Variants in PHACTR2 observed in about 807,000 individuals in gnomAD.
PHACTR2 encodes phosphatase and actin regulator 2.
A neutral mutation model predicts 76.0 loss-of-function variants in PHACTR2; 30 were observed. That is an observed-to-expected ratio of 0.39 (90% CI 0.30 to 0.54). The LOEUF (loss-of-function observed/expected upper bound fraction) is 0.54. Among genes scored for constraint, PHACTR2 ranks in the 20% least tolerant of loss-of-function variants. PHACTR2 has a pLI of 0.61. For synonymous variants in PHACTR2, 292 were observed against 292.5 expected (o/e 1.00, Z 0.02); for missense variants, 696 against 781.1 (o/e 0.89, Z 1.30).
At chr6:143,587,314 T>C (rs761890028) in intron 1 of PHACTR2, among the ~76,000 whole-genome samples, 3 of 152,212 alleles carry the variant, frequency 2.0e-5, no homozygotes, top group Non-Finnish European at 4.4e-5. Context: ...GGCATAGACA[T>C]AGGAATGCTA....
In PHACTR2 at chr6:143,757,012, G is replaced by C. The variant is rs1043369677; in HGVS notation, c.454+3100G>C. Among the ~76,000 whole-genome samples, 1 of 152,082 alleles carries C rather than the reference G, an allele frequency of 6.6e-6. No individual in the cohort carries two copies. The highest frequency in any genetic ancestry group is 2.4e-5 in the African/African-American group (1 of 41,418). ...TAGTGAGCTGAGTTCAGGCACCATT[G>C]CACTCCAGCCTGGGTGACAGCCAGT... is the stretch of plus-strand genomic sequence containing the variant. On this transcript the variant is annotated intron_variant, in intron 4 of 12. Transcript: ENST00000440869. The surrounding 1 kb of genome is among the most constrained non-coding windows in gnomAD (Gnocchi z 4.2).
chr6:143,615,678 C>T lies in PHACTR2; in HGVS notation c.13+7356C>T, dbSNP rs986589171. Among the ~76,000 whole-genome samples the T allele has an allele frequency of 8.5e-5, 13 of 152,160 alleles. No individual in the cohort carries two copies. The South Asian group carries it at 1.0e-3, about 12-fold the overall frequency. ...GATGTGATAATATTAGAGTCATTAA[C>T]AAAAATTATGGAAAGAGCCTTTCCC... On this transcript the variant is annotated intron_variant, in intron 1 of 11. Transcript: ENST00000305766.
At position 143,697,343 on chromosome 6, in the gene PHACTR2, A is replaced by G. The variant is rs1419236787; in HGVS notation, c.47-14673A>G. Among the ~76,000 whole-genome samples, 2 of 152,258 alleles carry G rather than the reference A, an allele frequency of 1.3e-5. No individual in the cohort carries two copies. Among genetic ancestry groups the G allele is most frequent in the East Asian group, 3.8e-4 (2 of 5,206 alleles). ...CCCAATTAGGAGAAAGAAGGTTAAG[A>G]CTGAAGAAAAATCTGAGATGAGAAA... On this transcript the variant is annotated intron_variant, in intron 1 of 12. Transcript: ENST00000440869. The surrounding 1 kb of genome is among the most constrained non-coding windows in gnomAD (Gnocchi z 4.4).
rs1776882890 is a variant in PHACTR2 at position 143,658,140 on chromosome 6, C to G, written c.13+49818C>G. ...TTTTTATGGATATATGTTTTTATTT[C>G]TGCTGAATAAATGACAAGTAGAATT... is the stretch of plus-strand genomic sequence containing the variant. On this transcript the variant is annotated intron_variant, in intron 1 of 11. Transcript: ENST00000305766. This position sits in a 1 kb window ranked among gnomAD's most constrained non-coding sequence, Gnocchi z 4.1. 1.3e-5 allele frequency among the ~76,000 whole-genome samples: 2 copies of G among 152,090 alleles called. No individual in the cohort carries two copies. Among genetic ancestry groups the G allele is most frequent in the African/African-American group, 4.8e-5 (2 of 41,420 alleles).
intron 2 of PHACTR2, among the ~76,000 whole-genome samples, chr6:143,735,802 G>A (rs1048702745): frequency 6.6e-6 from 1 of 152,032 alleles, no homozygotes; most frequent in African/African-American, 2.4e-5. Context: ...ACCCCATGAG[G>A]CTTGAAAATG....
intron 1 of PHACTR2, among the ~76,000 whole-genome samples, chr6:143,705,135 T>C (rs376226587): frequency 6.6e-6 from 1 of 150,380 alleles, no homozygotes; most frequent in South Asian, 2.1e-4. Flanking sequence ...TTGTTTTATT[T>C]TTGAGACAAG....
intron 2 of PHACTR2, among the ~76,000 whole-genome samples, chr6:143,732,113 A>T (rs1778711083): frequency 6.6e-6 from 1 of 152,234 alleles, no homozygotes; most frequent in Non-Finnish European, 1.5e-5. Flanking sequence ...CTCCCCCAGA[A>T]TTCTTTAAAT....
Position 143,742,105 on chromosome 6 carries a change from CA to C in PHACTR2, c.215-6868del, listed in dbSNP as rs577806236. 4.8e-4 allele frequency among the ~76,000 whole-genome samples: 64 copies of C among 133,122 alleles called. No homozygotes were observed. Among genetic ancestry groups the C allele is most frequent in the South Asian group, 7.3e-4 (3 of 4,094 alleles). 87.3% of individuals were successfully genotyped at this position (133,122 alleles called of 152,430 possible). On this transcript the variant is annotated intron_variant, in intron 2 of 12. Transcript: ENST00000440869. The surrounding 1 kb of genome is among the most constrained non-coding windows in gnomAD (Gnocchi z 4.5). The stretch of plus-strand genomic sequence containing the variant: ...GGGTGACAAGAGTGAAACTCCATCT[CA>C]AAAAAAAAAAACAACAACATTTATT...
chr6:143,538,535 G>A (rs1039306860), intron 1 of PHACTR2, among the ~76,000 whole-genome samples: 2 of 152,222 alleles, frequency 1.3e-5, no homozygotes, highest in Non-Finnish European at 2.9e-5. Flanking sequence ...AGCGGCAAAA[G>A]CCCTGCCGGG....
rs1389732073 is a variant in PHACTR2, at chr6:143,671,136, G to A, written c.14-40880G>A. On this transcript the variant is annotated intron_variant, in intron 1 of 11. Coordinates refer to the PHACTR2 transcript ENST00000305766. This position sits in a 1 kb window ranked among gnomAD's most constrained non-coding sequence, Gnocchi z 4.6. ...GTAGAGATGGGGTTCCACCACGTTGGTCAGGCTGGTCTTGAACTCCTGACA... is the reference window on the plus strand; with the variant it reads ...GTAGAGATGGGGTTCCACCACGTTGATCAGGCTGGTCTTGAACTCCTGACA... Among the ~76,000 whole-genome samples, 2 of 152,032 alleles carry A rather than the reference G, an allele frequency of 1.3e-5. No individual in the cohort carries two copies. The highest frequency in any genetic ancestry group is 2.4e-5 in the African/African-American group (1 of 41,372).
Position 143,744,486 on chromosome 6 carries a change from G to A in PHACTR2, c.215-4499G>A, listed in dbSNP as rs957329375. 2.6e-5 allele frequency among the ~76,000 whole-genome samples: 4 copies of A among 152,218 alleles called. No individual in the cohort carries two copies. In the South Asian group the frequency reaches 6.2e-4, roughly 24 times the overall value. On this transcript the variant is annotated intron_variant, in intron 2 of 12. Coordinates refer to ENST00000440869, the MANE Select transcript of PHACTR2 (RefSeq NM_001100164.2). ...CGATGGGTTTTGCAGGGAAAGAAGA[G>A]ATAAAGTTGGGAAGGGGAATAGCCA... is the stretch of plus-strand genomic sequence containing the variant.
chr6:143,728,348 A>G lies in PHACTR2; in HGVS notation c.214+16165A>G, dbSNP rs1237867571. 2.0e-5 allele frequency among the ~76,000 whole-genome samples: 3 copies of G among 150,646 alleles called. No homozygotes were observed. In the East Asian group the frequency reaches 5.9e-4, roughly 29 times the overall value. ...CACCTCAGCCTCCCGAGTAGCTGGGACTACAGGCGCACACCACCACACCTG... is the reference window on the plus strand; with the variant it reads ...CACCTCAGCCTCCCGAGTAGCTGGGGCTACAGGCGCACACCACCACACCTG... On this transcript the variant is annotated intron_variant, in intron 2 of 12. Transcript: ENST00000440869.
rs1194809301 is a variant in PHACTR2, at chr6:143,550,930, T to C, written c.217+13723T>C. Among the ~76,000 whole-genome samples the C allele has an allele frequency of 6.6e-6, 1 of 151,860 alleles. No individual in the cohort carries two copies. Among genetic ancestry groups the C allele is most frequent in the Non-Finnish European group, 1.5e-5 (1 of 67,922 alleles). Reference sequence around the variant, plus strand: ...GGCATGTGTCTGTAGTCCCAGCTACTTGGGAACTGAGGCAGGAGGATCACT... The same window carrying C: ...GGCATGTGTCTGTAGTCCCAGCTACCTGGGAACTGAGGCAGGAGGATCACT... On this transcript the variant is annotated intron_variant, in intron 1 of 11. Transcript: ENST00000367584. The surrounding 1 kb of genome is among the most constrained non-coding windows in gnomAD (Gnocchi z 4.8).
rs1401338671 is a variant in PHACTR2 at position 143,700,385 on chromosome 6, T to C, written c.47-11631T>C. ...GCCTGGCCAACATGGTGAAACCGCG[T>C]CTCTACTAAAAATACAGAAATTAGC... On this transcript the variant is annotated intron_variant, in intron 1 of 12. Transcript: ENST00000440869. The surrounding 1 kb of genome is among the most constrained non-coding windows in gnomAD (Gnocchi z 4.1). Among the ~76,000 whole-genome samples, 2 of 152,070 alleles carry C rather than the reference T, an allele frequency of 1.3e-5. No individual in the cohort carries two copies. Among genetic ancestry groups the C allele is most frequent in the Non-Finnish European group, 2.9e-5 (2 of 68,024 alleles).
chr6:143,747,791 A>G (rs779465356), intron 2 of PHACTR2, among the ~76,000 whole-genome samples: 1 of 152,206 alleles, frequency 6.6e-6, no homozygotes, highest in Non-Finnish European at 1.5e-5. Context: ...CGCTTTGGGA[A>G]ATGTTGACTC....
At position 143,819,313 on chromosome 6, in the gene PHACTR2, T is replaced by C. The variant is rs374536295; in HGVS notation, c.1923-4361T>C. On this transcript the variant is annotated intron_variant, in intron 12 of 12. Coordinates refer to ENST00000440869, the MANE Select transcript of PHACTR2 (RefSeq NM_001100164.2). The surrounding 1 kb of genome is among the most constrained non-coding windows in gnomAD (Gnocchi z 5.0). ...AATAAATACACATGAGCATTTCAGA[T>C]AGTGCTAAGGACTGTGAAGAAAAGG... is the stretch of plus-strand genomic sequence containing the variant. 6.6e-6 allele frequency among the ~76,000 whole-genome samples: 1 copy of C among 152,142 alleles called. No homozygotes were observed. The highest frequency in any genetic ancestry group is 2.4e-5 in the African/African-American group (1 of 41,420).
chr6:143,681,238 T>A (rs769312226), intron 1 of PHACTR2, among the ~76,000 whole-genome samples: 6 of 152,216 alleles, frequency 3.9e-5, no homozygotes, highest in Non-Finnish European at 7.4e-5. Flanking sequence ...GTATGAAAGT[T>A]ACAGTTTCTC....
At chr6:143,713,152 G>A (rs1450582313) in intron 2 of PHACTR2, among the ~76,000 whole-genome samples, 1 of 152,166 alleles carries the variant, frequency 6.6e-6, no homozygotes, top group African/African-American at 2.4e-5. Context: ...TTCTAGAGCT[G>A]TGAAATGAAA....
At chr6:143,560,926 T>TGTGTGTGTGTG (rs1775262351) in intron 1 of PHACTR2, among the ~76,000 whole-genome samples, 2 of 104,484 alleles carry the variant, frequency 1.9e-5, no homozygotes, top group African/African-American at 7.3e-5. Flanking sequence ...TGTGTGTGTG[T>TGTGTGTGTGTG]TAGGTAGGAG....
Sources: gnomAD v4.1 joint callset for allele counts (sites outside exome capture counted in the v4.1 genomes callset) on GRCh38, gnomAD v4.1.1 for gene constraint, Gnocchi (gnomAD v3.1) non-coding constraint, MANE v1.5 for transcripts, NCBI Gene and HGNC (gene_info 2026-07-23, HGNC 2026-07-21) for gene names.